PIK3C2A: variants seen among roughly 807,000 people sequenced by gnomAD.
PIK3C2A encodes the protein phosphatidylinositol-4-phosphate 3-kinase catalytic subunit type 2 alpha.
PIK3C2A carries 97 observed loss-of-function variants against 204.5 expected under a neutral mutation model. That is an observed-to-expected ratio of 0.47 (90% confidence interval 0.40 to 0.56). The LOEUF is 0.56. Ranked by LOEUF, PIK3C2A falls within the 20% of genes least tolerant of loss-of-function variation. PIK3C2A has a pLI of 0.00. For synonymous variants in PIK3C2A, 653 were observed against 664.4 expected (o/e 0.98, Z 0.26); for missense variants, 1,735 against 1,969.2 (o/e 0.88, Z 2.25).
At chr11:17,130,034 T>C (rs1366870640) in intron 12 of PIK3C2A, among the ~76,000 whole-genome samples, 3 of 152,254 alleles carry the variant, frequency 2.0e-5, no homozygotes, top group African/African-American at 7.2e-5. Context: ...GCCTTTGAGA[T>C]TTCTAGTGTC....
At chr11:17,107,576 T>A (rs1848865548) in intron 22 of PIK3C2A, among the ~76,000 whole-genome samples, 1 of 152,208 alleles carries the variant, frequency 6.6e-6, no homozygotes, top group Non-Finnish European at 1.5e-5. Context: ...GATAAAGGTA[T>A]GAGAGAAAAC....
chr11:17,117,418 C>A, intron 19 of PIK3C2A, 73 bp downstream of exon 19: 2 of 997,338 alleles, frequency 2.0e-6, no homozygotes, highest in Non-Finnish European at 3.0e-6. Flanking sequence ...AGAATAGCAA[C>A]TTAATTAGTC....
rs371798912 is a variant in PIK3C2A, at chr11:17,114,080, AAAATAAAT to A, written c.3321+273_3321+280del. On this transcript the variant is annotated intron_variant, in intron 20 of 32. Coordinates refer to ENST00000691414, the MANE Select transcript of PIK3C2A (RefSeq NM_002645.4). ...GGGCAAGAGTGAGACTTTGTCTCAA[AAAATAAAT>A]AAATAAATAAATAAATAAATAAATA... 1.8e-3 allele frequency among the ~76,000 whole-genome samples: 256 copies of A among 143,380 alleles called. 1 individual carries two copies. The highest frequency in any genetic ancestry group is 6.0e-3 in the East Asian group (30 of 4,960). The allele number at this position is 143,380 out of a possible 152,430, so 94.1% of individuals were successfully genotyped here. A position where few individuals can be genotyped will look rare whatever the true frequency, so the allele number is the denominator to read the frequency against.
intron 1 of PIK3C2A, among the ~76,000 whole-genome samples, chr11:17,196,281 C>T (rs958258497): frequency 2.0e-5 from 3 of 151,820 alleles, no homozygotes; most frequent in African/African-American, 7.3e-5. Flanking sequence ...AATAGGAAGC[C>T]CAGGGTGAAT....
chr11:17,163,908 T>TAAAAA (rs35154954), intron 2 of PIK3C2A, among the ~76,000 whole-genome samples: 1 of 142,598 alleles, frequency 7.0e-6, no homozygotes. Flanking sequence ...TACAAAACCT[T>TAAAAA]AAAAAAAAAA....
chr11:17,142,443 T>G (rs1463354482), intron 8 of PIK3C2A, among the ~76,000 whole-genome samples: 1 of 152,036 alleles, frequency 6.6e-6, no homozygotes, highest in Non-Finnish European at 1.5e-5. Context: ...AAGCAGAAGG[T>G]GGTATCCCAG....
chr11:17,146,492 C>A lies in PIK3C2A; in HGVS notation c.1561-550G>T, dbSNP rs543836399. ...CTTTGGGAGACCAAGGTAGGTGAAT[C>A]ATTTGAGGCCAGGAGTTCGAGACCA... On this transcript the variant is annotated intron_variant, in intron 6 of 32. Transcript: ENST00000691414. 2.0e-5 allele frequency among the ~76,000 whole-genome samples: 3 copies of A among 151,796 alleles called. No individual in the cohort carries two copies. In the East Asian group the frequency reaches 5.8e-4, roughly 29 times the overall value.
intron 3 of PIK3C2A, among the ~76,000 whole-genome samples, chr11:17,151,002 A>T (rs939612287): frequency 6.6e-6 from 1 of 152,218 alleles, no homozygotes; most frequent in Admixed American, 6.5e-5. Context: ...GGTACCTTTT[A>T]AATTATTCTA....
At chr11:17,182,166 G>T (rs975397021) in intron 1 of PIK3C2A, among the ~76,000 whole-genome samples, 1 of 151,924 alleles carries the variant, frequency 6.6e-6, no homozygotes, top group Non-Finnish European at 1.5e-5. Context: ...TGGGGACTTT[G>T]GGGTACTAGC....
intron 28 of PIK3C2A, among the ~76,000 whole-genome samples, chr11:17,092,926 C>T (rs1221099789): frequency 2.0e-5 from 3 of 152,138 alleles, no homozygotes; most frequent in Non-Finnish European, 4.4e-5. Context: ...AATATTTTAT[C>T]CAGATCTGAT....
chr11:17,113,905 C>T (rs1208318786), intron 20 of PIK3C2A, among the ~76,000 whole-genome samples: 1 of 151,074 alleles, frequency 6.6e-6, no homozygotes, highest in East Asian at 1.9e-4. Context: ...CAAAGTGAAA[C>T]CCCATCTCTA....
rs1266473912 is a variant in PIK3C2A, at chr11:17,088,891, T to C, written c.*847A>G. 7 of 152,220 alleles carry C rather than the reference T, an allele frequency of 4.6e-5. No homozygotes were observed. The highest frequency in any genetic ancestry group is 2.0e-4 in the Admixed American group (3 of 15,278). 9.4% of individuals were successfully genotyped at this position (152,220 alleles called of 1,614,324 possible). A position where few individuals can be genotyped will look rare whatever the true frequency, so the allele number is the denominator to read the frequency against. ...GTAGGATTTTAATGGAATGATAGAATTTATTGTACAATCACATTGGTGAGT... is the reference window on the plus strand; with the variant it reads ...GTAGGATTTTAATGGAATGATAGAACTTATTGTACAATCACATTGGTGAGT... On this transcript the variant is annotated 3_prime_UTR_variant, in exon 33 of 33. Coordinates refer to ENST00000691414, the MANE Select transcript of PIK3C2A (RefSeq NM_002645.4).
intron 12 of PIK3C2A, among the ~76,000 whole-genome samples, chr11:17,130,108 AT>A (rs1307482836): frequency 6.6e-6 from 1 of 152,214 alleles, no homozygotes; most frequent in African/African-American, 2.4e-5. Flanking sequence ...ATGAATGTTT[AT>A]GAGAATTTCT....
chr11:17,207,546 T>C (rs1852629213), intron 1 of PIK3C2A, among the ~76,000 whole-genome samples: 1 of 151,960 alleles, frequency 6.6e-6, no homozygotes, highest in Non-Finnish European at 1.5e-5. Flanking sequence ...CCTCCTTCTG[T>C]GGGACAAAAC....
At chr11:17,125,863 A>G (rs577589493) in intron 13 of PIK3C2A, among the ~76,000 whole-genome samples, 193 of 152,096 alleles carry the variant, frequency 1.3e-3, no homozygotes, top group African/African-American at 4.4e-3. Context: ...GGTGGCTCAC[A>G]CCTGTAATCC....
At position 17,105,280 on chromosome 11, in the gene PIK3C2A, G is replaced by A. The variant is rs753925170; in HGVS notation, c.3570C>T (p.Ser1190=). The change falls in exon 23 of 33, where the codon TCC becomes TCT. Residue 1190 remains serine, a synonymous_variant. Transcript: ENST00000691414. ...CCACTTGGATTTTCCTGAGGGTATC[G>A]GAAGCAGGAACCAGCTCCACCATGC... is the stretch of plus-strand genomic sequence containing the variant. ...DRGMVELVPA[S]DTLRKIQVEY... The A allele has an allele frequency of 3.0e-5, 48 of 1,610,238 alleles. No homozygotes were observed. The highest frequency in any genetic ancestry group is 8.9e-5 in the East Asian group (4 of 44,706).
intron 1 of PIK3C2A, among the ~76,000 whole-genome samples, chr11:17,176,177 T>G (rs972220459): frequency 7.7e-6 from 1 of 129,828 alleles, no homozygotes; most frequent in African/African-American, 3.7e-5. Context: ...CTCATTTTTG[T>G]TTTTTTTTTA....
At chr11:17,201,032 C>T (rs1591030890) in intron 1 of PIK3C2A, among the ~76,000 whole-genome samples, 1 of 151,816 alleles carries the variant, frequency 6.6e-6, no homozygotes, top group South Asian at 2.1e-4. Flanking sequence ...ATGGTGAAAT[C>T]CCGTCTCTAC....
intron 32 of PIK3C2A, 27 bp from the exon 33 acceptor site, chr11:17,089,947 A>T: frequency 6.7e-7 from 1 of 1,490,636 alleles, no homozygotes; most frequent in Non-Finnish European, 9.1e-7. Context: ...AAGAACAGTA[A>T]ATCACAAATT....
Sources: gnomAD v4.1 joint callset for allele counts (sites outside exome capture counted in the v4.1 genomes callset) on GRCh38, gnomAD v4.1.1 for gene constraint, MANE v1.5 for transcripts, NCBI Gene and HGNC (gene_info 2026-07-23, HGNC 2026-07-21) for gene names.